LPP: variants seen among roughly 807,000 people sequenced by gnomAD.
LPP encodes the protein LIM domain containing preferred translocation partner in lipoma.
In LPP, 38 loss-of-function variants were observed where a neutral mutation model predicts 60.4. That is an observed-to-expected ratio of 0.63 (90% CI 0.49 to 0.83). The LOEUF is 0.83. LPP is among the 40% of genes least tolerant of loss of function. LPP has a pLI of 0.00. For synonymous variants in LPP, 328 were observed against 290.8 expected, an observed-to-expected ratio of 1.13 and a Z score of -1.30; for missense variants, 902 against 783.6, an observed-to-expected ratio of 1.15 and a Z score of -1.80.
chr3:188,887,064 C>T lies in LPP; in HGVS notation c.*12585C>T, dbSNP rs970512944. On this transcript the variant is annotated 3_prime_UTR_variant, in exon 12 of 12. Coordinates refer to ENST00000617246, the MANE Select transcript of LPP (RefSeq NM_001375462.1). ...TCATTATTGATGTATTGTGTTGCCACTTTGTATGGTGCCTGCTGTGCTTTA... is the reference window on the plus strand; with the variant it reads ...TCATTATTGATGTATTGTGTTGCCATTTTGTATGGTGCCTGCTGTGCTTTA... 4 of 230,560 alleles carry T rather than the reference C, an allele frequency of 1.7e-5. No homozygotes were observed. Among genetic ancestry groups the T allele is most frequent in the Admixed American group, 5.7e-5 (1 of 17,672 alleles). The allele number at this position is 230,560 out of a possible 1,614,324, so 14.3% of individuals were successfully genotyped here.
intron 8 of LPP, among the ~76,000 whole-genome samples, chr3:188,753,767 G>A (rs1577351849): frequency 6.6e-6 from 1 of 152,132 alleles, no homozygotes; most frequent in South Asian, 2.1e-4. Context: ...GCGAGTGTTT[G>A]AGTGTGGGTG....
chr3:188,687,344 G>T (rs1437662037), intron 7 of LPP, among the ~76,000 whole-genome samples: 1 of 152,102 alleles, frequency 6.6e-6, no homozygotes, highest in African/African-American at 2.4e-5. Flanking sequence ...TAGCTGATAT[G>T]GTTTGGCTTT....
At chr3:188,360,423 C>T (rs1768931088) in intron 3 of LPP, among the ~76,000 whole-genome samples, 1 of 152,096 alleles carries the variant, frequency 6.6e-6, no homozygotes, top group South Asian at 2.1e-4. Flanking sequence ...TCTCTCTCTC[C>T]TCTTTGTCTT....
chr3:188,313,514 T>C (rs1362502478), intron 2 of LPP, among the ~76,000 whole-genome samples: 1 of 151,988 alleles, frequency 6.6e-6, no homozygotes, highest in Non-Finnish European at 1.5e-5. Flanking sequence ...GGCGGGCACC[T>C]GTAGTCCCAG....
At chr3:188,488,100 G>C (rs1226099371) in intron 5 of LPP, among the ~76,000 whole-genome samples, 1 of 148,254 alleles carries the variant, frequency 6.7e-6, no homozygotes, top group East Asian at 2.0e-4. Flanking sequence ...AGGTCTTATT[G>C]AATTTGAAAA....
intron 8 of LPP, among the ~76,000 whole-genome samples, chr3:188,757,890 T>G (rs889009391): frequency 6.2e-5 from 3 of 48,604 alleles, no homozygotes; most frequent in East Asian, 5.3e-4. Flanking sequence ...GTTTTTTTGG[T>G]TTTTTTTTTT....
intron 7 of LPP, among the ~76,000 whole-genome samples, chr3:188,707,605 A>G (rs1375653835): frequency 6.6e-6 from 1 of 152,222 alleles, no homozygotes; most frequent in East Asian, 1.9e-4. Context: ...GAACAAAAGA[A>G]CTAGAACCAA....
At chr3:188,664,740 A>G (rs992405292) in intron 7 of LPP, among the ~76,000 whole-genome samples, 2 of 152,152 alleles carry the variant, frequency 1.3e-5, no homozygotes, top group African/African-American at 4.8e-5. Context: ...CTTCTGTATT[A>G]TATTCTGTGT....
chr3:188,272,570 G>A (rs985638472), intron 2 of LPP, among the ~76,000 whole-genome samples: 1 of 152,144 alleles, frequency 6.6e-6, no homozygotes, highest in Non-Finnish European at 1.5e-5. Context: ...AGAGGTATGT[G>A]TCTGTTGAAA....
At position 188,760,441 on chromosome 3, in the gene LPP, C is replaced by T. The variant is rs535195376; in HGVS notation, c.1410+159C>T. Among the ~76,000 whole-genome samples the T allele has an allele frequency of 9.5e-3, 422 of 44,606 alleles. 4 individuals are homozygous for T. The highest frequency in any genetic ancestry group is 0.011 in the Non-Finnish European group (246 of 21,432). The allele number at this position is 44,606 out of a possible 152,430, so 29.3% of individuals were successfully genotyped here. Reference sequence around the variant, plus strand: ...GTGTGTGTGTGTGTGTGTGTGCGTGCGCGCATGTAAATTAGCATATTGTAA... The same window carrying T: ...GTGTGTGTGTGTGTGTGTGTGCGTGTGCGCATGTAAATTAGCATATTGTAA... On this transcript the variant is annotated intron_variant, in intron 9 of 11. Coordinates refer to ENST00000617246, the MANE Select transcript of LPP (RefSeq NM_001375462.1).
chr3:188,709,891 T>C (rs987388481), intron 8 of LPP: 3 of 152,208 alleles, frequency 2.0e-5, no homozygotes, highest in Admixed American at 2.0e-4. Flanking sequence ...TTATTAGAGT[T>C]AACTGTTAAC....
chr3:188,598,485 A>G (rs1212860075), intron 6 of LPP, among the ~76,000 whole-genome samples: 1 of 152,150 alleles, frequency 6.6e-6, no homozygotes, highest in Non-Finnish European at 1.5e-5. Flanking sequence ...AGAGAGAATT[A>G]ACAAGCTTTA....
chr3:188,518,879 A>G (rs1236886547), intron 5 of LPP, among the ~76,000 whole-genome samples: 3 of 148,878 alleles, frequency 2.0e-5, no homozygotes, highest in Non-Finnish European at 2.9e-5. Context: ...TTTTTACTTG[A>G]TGATTAAGTT....
chr3:188,337,694 T>C (rs181532111), intron 2 of LPP, among the ~76,000 whole-genome samples: 2 of 152,316 alleles, frequency 1.3e-5, no homozygotes, highest in East Asian at 3.9e-4. Context: ...GCAATGGGGT[T>C]TCCCTATGTT....
At chr3:188,494,944 T>C (rs1177808347) in intron 5 of LPP, among the ~76,000 whole-genome samples, 1 of 150,324 alleles carries the variant, frequency 6.7e-6, no homozygotes, top group Middle Eastern at 3.2e-3. Context: ...GTTGTGATAT[T>C]TTGGGCTAGC....
In LPP at chr3:188,890,054, G is replaced by T; in HGVS notation, c.*15575G>T. On this transcript the variant is annotated 3_prime_UTR_variant, in exon 12 of 12. Coordinates refer to ENST00000617246, the MANE Select transcript of LPP (RefSeq NM_001375462.1). Reference sequence around the variant, plus strand: ...ATGGCTTTGCTCTGAGTTTCAATCTGATGATTATGACCATGGAAGATAGTC... The same window carrying T: ...ATGGCTTTGCTCTGAGTTTCAATCTTATGATTATGACCATGGAAGATAGTC... The T allele has an allele frequency of 4.7e-6, 1 of 213,938 alleles. No homozygotes were observed. The highest frequency in any genetic ancestry group is 9.4e-6 in the Non-Finnish European group (1 of 105,922). 13.3% of individuals were successfully genotyped at this position (213,938 alleles called of 1,614,324 possible).
chr3:188,371,534 A>AACATCATATT (rs1029506756), intron 3 of LPP, among the ~76,000 whole-genome samples: 3 of 148,044 alleles, frequency 2.0e-5, no homozygotes, highest in Non-Finnish European at 3.0e-5. Context: ...AGGGAAGAAA[A>AACATCATATT]ACATCATATT....
intron 4 of LPP, among the ~76,000 whole-genome samples, chr3:188,446,294 G>C (rs763580498): frequency 6.6e-6 from 1 of 152,194 alleles, no homozygotes; most frequent in South Asian, 2.1e-4. Flanking sequence ...AAAGTAGCAG[G>C]TGGTGTTTGA....
At chr3:188,442,738 T>G (rs1578927120) in intron 4 of LPP, among the ~76,000 whole-genome samples, 3 of 152,308 alleles carry the variant, frequency 2.0e-5, no homozygotes, top group Middle Eastern at 3.4e-3. Flanking sequence ...TTTTCGAAAC[T>G]TAAGAATCAA....
Sources: gnomAD v4.1 joint callset for allele counts (sites outside exome capture counted in the v4.1 genomes callset) on GRCh38, gnomAD v4.1.1 for gene constraint, MANE v1.5 for transcripts, NCBI Gene and HGNC (gene_info 2026-07-23, HGNC 2026-07-21) for gene names.